Variants in CDH26 observed in about 807,000 individuals in gnomAD.
The protein encoded by CDH26 is cadherin 26.
CDH26 carries 83 observed loss-of-function variants against 90.3 expected under a neutral mutation model. That is an observed-to-expected ratio of 0.92 (90% CI 0.77 to 1.10). CDH26 has a LOEUF of 1.10. Among genes scored for constraint, CDH26 ranks in the 50% least tolerant of loss-of-function variants. The pLI is 0.00. For missense variants in CDH26, 1,013 were observed against 1,037.6 expected (o/e 0.98, Z 0.33); for synonymous variants, 397 against 396.3 (o/e 1.00, Z -0.02).
Position 60,012,766 on chromosome 20 carries a change from A to G in CDH26, c.*36A>G, listed in dbSNP as rs766503974. Reference sequence around the variant, plus strand: ...CTATTTTGGAGAATTGAAATAATTCATGGAAGGGAATCACTATTCAGGGAT... The same window carrying G: ...CTATTTTGGAGAATTGAAATAATTCGTGGAAGGGAATCACTATTCAGGGAT... On this transcript the variant is annotated 3_prime_UTR_variant, in exon 18 of 18. Transcript: ENST00000348616. 2 of 1,589,172 alleles carry G rather than the reference A, an allele frequency of 1.3e-6. No individual in the cohort carries two copies.
chr20:59,984,276 G>T (rs779386972), intron 5 of CDH26, among the ~76,000 whole-genome samples: 1 of 151,976 alleles, frequency 6.6e-6, no homozygotes, highest in Non-Finnish European at 1.5e-5. Context: ...CATTTTTCTT[G>T]ATTTTAACCT....
chr20:59,996,848 A>G (rs1383930406), intron 13 of CDH26, 87 bp downstream of exon 13: 2 of 1,541,476 alleles, frequency 1.3e-6, no homozygotes, highest in Non-Finnish European at 1.8e-6. Context: ...CCATTGTGCC[A>G]CCTCTTAATT....
intron 2 of CDH26, among the ~76,000 whole-genome samples, 192 bp from the exon 3 acceptor site, chr20:59,969,890 G>T (rs1409227310): frequency 6.6e-6 from 1 of 152,122 alleles, no homozygotes; most frequent in Non-Finnish European, 1.5e-5. Flanking sequence ...TCCACCCCGT[G>T]GTTAGAGATG....
rs1017156304 is a variant in CDH26 at position 59,992,675 on chromosome 20, A to T, written c.1426+155A>T. 2.6e-5 allele frequency among the ~76,000 whole-genome samples: 4 copies of T among 152,220 alleles called. No homozygotes were observed. The highest frequency in any genetic ancestry group is 9.6e-5 in the African/African-American group (4 of 41,466). ...ATGCTGGTGATTATTTTTGGTAATA[A>T]TTCTTAAAATGGTAAACAAGGGACC... On this transcript the variant is annotated intron_variant, in intron 10 of 17. Coordinates refer to ENST00000348616, the MANE Select transcript of CDH26 (RefSeq NM_177980.4). This position sits in a 1 kb window ranked among gnomAD's most constrained non-coding sequence, Gnocchi z 5.0.
At chr20:60,000,729 C>T (rs914490694) in intron 14 of CDH26, among the ~76,000 whole-genome samples, 9 of 152,174 alleles carry the variant, frequency 5.9e-5, no homozygotes, top group South Asian at 4.1e-4. Flanking sequence ...CTCTGGGTTC[C>T]CTTCAGTGTC....
chr20:60,022,915 A>G (rs1306296125), intron 7 of CDH26, among the ~76,000 whole-genome samples: 2 of 152,212 alleles, frequency 1.3e-5, no homozygotes, highest in Admixed American at 1.3e-4. Flanking sequence ...CTTCTTCCCC[A>G]GTAAAAGAAC....
exon 9 of CDH26, chr20:60,033,986 G>T: frequency 5.2e-6 from 1 of 193,656 alleles, no homozygotes. Context: ...TTCCTTTAAT[G>T]CATTAAAAAA....
In CDH26 at chr20:59,994,409, C is replaced by T. The variant is rs1277718478; in HGVS notation, c.1586C>T (p.Pro529Leu). ...GAGGCAGAGGATCCGGACCTGGAGCCGTTCTCTGACCCATTTACATTTGAA... is the reference window on the plus strand; with the variant it reads ...GAGGCAGAGGATCCGGACCTGGAGCTGTTCTCTGACCCATTTACATTTGAA... ...HIEAEDPDLE[P>L]FSDPFTFELD... The change falls in exon 11 of 18, where the codon CCG (proline) becomes CTG (leucine). Residue 529 changes from proline (P) to leucine (L), a missense_variant. Pro to Leu is a moderately conservative substitution (Grantham distance 98). Transcript: ENST00000348616. The T allele has an allele frequency of 3.1e-6, 5 of 1,613,992 alleles. No homozygotes were observed. The East Asian group carries it at 6.7e-5, about 22-fold the overall frequency.
At chr20:60,032,633 T>C (rs1453530517) in intron 8 of CDH26, among the ~76,000 whole-genome samples, 1 of 151,698 alleles carries the variant, frequency 6.6e-6, no homozygotes, top group East Asian at 1.9e-4. Flanking sequence ...ATTAAGAAAA[T>C]GTGGCACATA....
intron 17 of CDH26, among the ~76,000 whole-genome samples, 169 bp downstream of exon 17, chr20:60,006,956 G>A (rs1301970450): frequency 6.6e-6 from 1 of 152,144 alleles, no homozygotes; most frequent in African/African-American, 2.4e-5. Context: ...GAAATATATT[G>A]CCTCATGTTT....
At chr20:59,994,170 C>T (rs1274498973) in intron 10 of CDH26, 80 bp from the exon 11 acceptor site, 5 of 1,544,214 alleles carry the variant, frequency 3.2e-6, no homozygotes, top group Admixed American at 1.9e-5. Flanking sequence ...TATTTTTTTT[C>T]TGAGAGACGG....
chr20:60,001,681 A>G (rs1348999669), intron 15 of CDH26: 2 of 902,532 alleles, frequency 2.2e-6, no homozygotes, highest in South Asian at 1.0e-4. Flanking sequence ...AAATAGATAC[A>G]TTTTCTCATG....
At chr20:59,982,778 AT>A (rs199812620) in intron 4 of CDH26, 144 bp from the exon 5 acceptor site, 10,601 of 866,644 alleles carry the variant, frequency 0.012, 84 homozygotes, top group Middle Eastern at 0.017. Context: ...TACTTGGTAA[AT>A]GAGGGCAGTC....
intron 13 of CDH26, among the ~76,000 whole-genome samples, chr20:59,997,459 G>A (rs538750735): frequency 6.6e-6 from 1 of 152,254 alleles, no homozygotes; most frequent in African/African-American, 2.4e-5. Context: ...CAGAGAGGAT[G>A]CCTATGAAGG....
Position 59,987,383 on chromosome 20 carries a change from T to G in CDH26, c.838-70T>G. On this transcript the variant is annotated intron_variant, in intron 7 of 17. Coordinates refer to ENST00000348616, the MANE Select transcript of CDH26 (RefSeq NM_177980.4). ...GCTCTCTCTCTGCTTCTCTCCCTCC[T>G]TCCTCTCTGCTTTCCTTTTCAATTG... The G allele has an allele frequency of 5.4e-6, 7 of 1,291,748 alleles. No homozygotes were observed. The South Asian group carries it at 1.0e-4, about 19-fold the overall frequency. 80.0% of individuals were successfully genotyped at this position (1,291,748 alleles called of 1,614,324 possible). A position where few individuals can be genotyped will look rare whatever the true frequency, so the allele number is the denominator to read the frequency against.
chr20:60,010,369 A>G (rs2061817534), intron 17 of CDH26, among the ~76,000 whole-genome samples: 1 of 152,136 alleles, frequency 6.6e-6, no homozygotes, highest in Admixed American at 6.5e-5. Context: ...TCTCAGAATT[A>G]CTATCAGCAG....
At chr20:60,029,935 G>GAATA (rs1053435569) in intron 7 of CDH26, among the ~76,000 whole-genome samples, 2 of 151,892 alleles carry the variant, frequency 1.3e-5, no homozygotes, top group South Asian at 4.2e-4. Flanking sequence ...ATGAATAAAT[G>GAATA]AATAAATAAA....
chr20:59,996,501 C>A, intron 12 of CDH26, 130 bp from the exon 13 acceptor site: 1 of 1,612,922 alleles, frequency 6.2e-7, no homozygotes, highest in Non-Finnish European at 8.5e-7. Context: ...TATAGCTACA[C>A]AGATGACTAA....
intron 7 of CDH26, among the ~76,000 whole-genome samples, chr20:60,029,667 G>C (rs965637988): frequency 3.3e-5 from 5 of 151,908 alleles, no homozygotes; most frequent in Admixed American, 3.3e-4. Context: ...CCCAGTGTGT[G>C]ATGTTCCCCT....
Sources: allele counts gnomAD v4.1 joint callset (sites outside exome capture counted in the v4.1 genomes callset), GRCh38; gene constraint gnomAD v4.1.1; non-coding constraint Gnocchi (gnomAD v3.1); transcripts MANE v1.5; gene names NCBI Gene and HGNC (gene_info 2026-07-23, HGNC 2026-07-21).